Variants in PARD3B observed in about 807,000 individuals in gnomAD.
PARD3B encodes par-3 family cell polarity regulator beta, also known as partitioning defective 3 homolog B.
PARD3B carries 103 observed loss-of-function variants against 130.2 expected under a neutral mutation model. That is an observed-to-expected ratio of 0.79 (90% CI 0.67 to 0.93). The LOEUF is 0.93. Among genes scored for constraint, PARD3B ranks in the 40% least tolerant of loss-of-function variants. PARD3B has a pLI of 0.00. For synonymous variants in PARD3B, 583 were observed against 553.2 expected (o/e 1.05, Z -0.76); for missense variants, 1,609 against 1,499.2 (o/e 1.07, Z -1.21).
chr2:204,716,110 G>A (rs912229193), intron 2 of PARD3B, among the ~76,000 whole-genome samples: 1 of 152,144 alleles, frequency 6.6e-6, no homozygotes, highest in African/African-American at 2.4e-5. Context: ...TCTCAGCAGA[G>A]CATTTATTAG....
At chr2:204,736,952 CTATT>C (rs1207184023) in intron 2 of PARD3B, among the ~76,000 whole-genome samples, 1 of 152,020 alleles carries the variant, frequency 6.6e-6, no homozygotes, top group African/African-American at 2.4e-5. Context: ...TGTTTTTTGA[CTATT>C]TATTTATTGA....
chr2:205,257,619 C>T (rs532719046), intron 16 of PARD3B, among the ~76,000 whole-genome samples: 4 of 152,066 alleles, frequency 2.6e-5, no homozygotes, highest in Non-Finnish European at 5.9e-5. Context: ...AATTAATGTA[C>T]ATTAGTAAAA....
chr2:204,920,032 A>T (rs745759480), intron 2 of PARD3B, among the ~76,000 whole-genome samples: 4 of 151,992 alleles, frequency 2.6e-5, no homozygotes, highest in Non-Finnish European at 4.4e-5. Context: ...TAATTTGGAG[A>T]CAATAGAAAA....
rs1027787516 is a variant in PARD3B at position 205,078,643 on chromosome 2, A to G, written c.505-25783A>G. On this transcript the variant is annotated intron_variant, in intron 4 of 22. Coordinates refer to ENST00000406610, the MANE Select transcript of PARD3B (RefSeq NM_001302769.2). This position sits in a 1 kb window ranked among gnomAD's most constrained non-coding sequence, Gnocchi z 4.0. ...AAAATATTTGACACTGTTTCAGTGA[A>G]GAGCTGAGGTCTAATGTCCTCTCTT... Among the ~76,000 whole-genome samples, 4 of 152,200 alleles carry G rather than the reference A, an allele frequency of 2.6e-5. No individual in the cohort carries two copies. Among genetic ancestry groups the G allele is most frequent in the African/African-American group, 7.2e-5 (3 of 41,460 alleles).
intron 18 of PARD3B, among the ~76,000 whole-genome samples, chr2:205,329,400 A>T (rs2043036933): frequency 6.6e-6 from 1 of 152,362 alleles, no homozygotes; most frequent in Middle Eastern, 3.4e-3. Context: ...GAATTATCAC[A>T]TATGGTAAGA....
At position 205,281,241 on chromosome 2, in the gene PARD3B, G is replaced by T. The variant is rs890433063; in HGVS notation, c.2186-19289G>T. Among the ~76,000 whole-genome samples the T allele has an allele frequency of 6.6e-6, 1 of 152,174 alleles. No homozygotes were observed. Among genetic ancestry groups the T allele is most frequent in the Non-Finnish European group, 1.5e-5 (1 of 68,030 alleles). ...AAGGGGCAGGTCTAAAGACAAAAGG[G>T]TTGGGGATGATCATGTTAAATAAAC... On this transcript the variant is annotated intron_variant, in intron 16 of 22. Transcript: ENST00000406610. The surrounding 1 kb of genome is among the most constrained non-coding windows in gnomAD (Gnocchi z 4.2).
intron 18 of PARD3B, among the ~76,000 whole-genome samples, chr2:205,360,212 ATTCT>A (rs2044339036): frequency 6.6e-6 from 1 of 151,948 alleles, no homozygotes; most frequent in South Asian, 2.1e-4. Flanking sequence ...CATTCTGTAA[ATTCT>A]TTATTGACAT....
chr2:205,261,789 CATAA>C (rs1482042995), intron 16 of PARD3B, among the ~76,000 whole-genome samples: 1 of 152,116 alleles, frequency 6.6e-6, no homozygotes, highest in Non-Finnish European at 1.5e-5. Flanking sequence ...TGTGCCCTAT[CATAA>C]AGTGGGGAAA....
chr2:204,999,458 G>T (rs1333171609), intron 3 of PARD3B, among the ~76,000 whole-genome samples: 1 of 152,142 alleles, frequency 6.6e-6, no homozygotes, highest in Non-Finnish European at 1.5e-5. Context: ...GCTATAGAAT[G>T]TACCAAGAAA....
At chr2:205,379,000 C>G (rs929073278) in intron 18 of PARD3B, among the ~76,000 whole-genome samples, 2 of 151,660 alleles carry the variant, frequency 1.3e-5, no homozygotes, top group Non-Finnish European at 2.9e-5. Flanking sequence ...TGCTGATAGG[C>G]TCTGATTAAG....
intron 1 of PARD3B, among the ~76,000 whole-genome samples, chr2:204,584,755 C>T (rs1574500248): frequency 1.3e-5 from 2 of 152,100 alleles, no homozygotes; most frequent in South Asian, 2.1e-4. Context: ...TCCAAGGCCA[C>T]GTGGTTTAAT....
intron 21 of PARD3B, among the ~76,000 whole-genome samples, chr2:205,529,023 A>G (rs565745707): frequency 6.6e-6 from 1 of 152,276 alleles, no homozygotes; most frequent in East Asian, 1.9e-4. Context: ...ACCCTACTTG[A>G]GCATTAAAAA....
chr2:205,583,400 T>TGTGTGCGCGC (rs1192785640), intron 22 of PARD3B, among the ~76,000 whole-genome samples: 2 of 133,994 alleles, frequency 1.5e-5, no homozygotes, highest in South Asian at 4.6e-4. Flanking sequence ...TGTGTGTGTG[T>TGTGTGCGCGC]GCGCGCGCAC....
At chr2:204,872,631 A>G (rs191101178) in intron 2 of PARD3B, among the ~76,000 whole-genome samples, 1 of 152,272 alleles carries the variant, frequency 6.6e-6, no homozygotes, top group Admixed American at 6.5e-5. Flanking sequence ...GAAGTTGTTA[A>G]AGGTCATCTA....
At chr2:204,647,245 C>A (rs1336128301) in intron 1 of PARD3B, among the ~76,000 whole-genome samples, 3 of 151,486 alleles carry the variant, frequency 2.0e-5, no homozygotes, top group Non-Finnish European at 3.0e-5. Flanking sequence ...GTCGTTTATT[C>A]TTTTCTGTAA....
At chr2:205,079,422 T>G (rs533878674) in intron 4 of PARD3B, among the ~76,000 whole-genome samples, 135 of 152,294 alleles carry the variant, frequency 8.9e-4, no homozygotes, top group African/African-American at 3.1e-3. Flanking sequence ...GGATTCTCTC[T>G]GTTTTCAGTA....
chr2:205,044,995 A>C (rs914853436), intron 3 of PARD3B, among the ~76,000 whole-genome samples: 1 of 152,138 alleles, frequency 6.6e-6, no homozygotes, highest in Middle Eastern at 3.2e-3. Context: ...TAACACATTT[A>C]GAGAGAAAGA....
chr2:204,961,628 T>G (rs531007619), intron 2 of PARD3B, among the ~76,000 whole-genome samples: 2 of 152,162 alleles, frequency 1.3e-5, no homozygotes, highest in South Asian at 2.1e-4. Context: ...CTAAACAAAT[T>G]TAGACATATG....
At chr2:204,728,612 AT>A (rs11342651) in intron 2 of PARD3B, among the ~76,000 whole-genome samples, 150,513 of 152,254 alleles carry the variant, frequency 0.99, 74,429 homozygotes, top group Middle Eastern at 1. Flanking sequence ...TGCTCACTTG[AT>A]TTTTTTCCTT....
Sources: gnomAD v4.1 joint callset for allele counts (sites outside exome capture counted in the v4.1 genomes callset) on GRCh38, gnomAD v4.1.1 for gene constraint, Gnocchi (gnomAD v3.1) non-coding constraint, MANE v1.5 for transcripts, NCBI Gene and HGNC (gene_info 2026-07-23, HGNC 2026-07-21) for gene names.